NQO2: variants seen among roughly 807,000 people sequenced by gnomAD.
NQO2 encodes ribosyldihydronicotinamide dehydrogenase [quinone].
A neutral mutation model predicts 22.0 loss-of-function variants in NQO2; 18 were observed. That is an observed-to-expected ratio of 0.82 (90% CI 0.56 to 1.21). The LOEUF (loss-of-function observed/expected upper bound fraction) is 1.21. Among genes scored for constraint, NQO2 ranks in the 50% most tolerant of loss-of-function variants. The pLI is 0.00. For synonymous variants in NQO2, 106 were observed against 110.8 expected, an observed-to-expected ratio of 0.96 and a Z score of 0.28; for missense variants, 267 against 286.9, an observed-to-expected ratio of 0.93 and a Z score of 0.50.
chr6:3,007,328 T>C (rs769987632), intron 2 of NQO2, among the ~76,000 whole-genome samples: 4 of 152,204 alleles, frequency 2.6e-5, no homozygotes, highest in Non-Finnish European at 5.9e-5. Flanking sequence ...ACCATTGGTG[T>C]AGGTATTTCA....
intron 4 of NQO2, among the ~76,000 whole-genome samples, chr6:3,013,598 C>G (rs1018421933): frequency 8.5e-5 from 13 of 152,276 alleles, no homozygotes; most frequent in African/African-American, 3.1e-4. Flanking sequence ...GCTTCACCCC[C>G]AGCCCAGCCA....
intron 2 of NQO2, chr6:3,007,065 G>A (rs1189071469): frequency 2.3e-5 from 9 of 390,706 alleles, no homozygotes; most frequent in East Asian, 3.6e-5. Context: ...GTGTTAGAAC[G>A]CACAGGTTCA....
chr6:3,007,970 C>T (rs55767415), intron 2 of NQO2, among the ~76,000 whole-genome samples: 5,676 of 152,312 alleles, frequency 0.037, 120 homozygotes, highest in African/African-American at 0.055. Flanking sequence ...AACCTTCTTA[C>T]AGAGGATAAC....
At chr6:3,016,430 C>CAAAAAAAAAA (rs36118697) in intron 5 of NQO2, among the ~76,000 whole-genome samples, 4 of 85,702 alleles carry the variant, frequency 4.7e-5, no homozygotes, top group African/African-American at 1.9e-4. Flanking sequence ...GACTCTGTCT[C>CAAAAAAAAAA]AAAAAAAAAA....
chr6:3,011,362 G>A (rs933365998), intron 3 of NQO2, among the ~76,000 whole-genome samples: 43 of 152,184 alleles, frequency 2.8e-4, no homozygotes, highest in African/African-American at 8.7e-4. Flanking sequence ...TGAAGCAGAA[G>A]AAAAAATCAG....
intron 1 of NQO2, among the ~76,000 whole-genome samples, chr6:3,002,885 C>T (rs1756787059): frequency 6.6e-6 from 1 of 152,128 alleles, no homozygotes; most frequent in Non-Finnish European, 1.5e-5. Flanking sequence ...CCCTGAGTAG[C>T]TGGGATTACA....
intron 2 of NQO2, among the ~76,000 whole-genome samples, chr6:3,007,143 A>G (rs1756978703): frequency 6.6e-6 from 1 of 152,078 alleles, no homozygotes; most frequent in Non-Finnish European, 1.5e-5. Context: ...TCTGGGCCAG[A>G]TAATCCTATG....
At chr6:3,013,780 AGGGAATTGTT>A (rs1757228340) in intron 4 of NQO2, among the ~76,000 whole-genome samples, 1 of 152,142 alleles carries the variant, frequency 6.6e-6, no homozygotes, top group Admixed American at 6.5e-5. Context: ...ATGAGCTTTG[AGGGAATTGTT>A]GGGTGACAGA....
intron 5 of NQO2, among the ~76,000 whole-genome samples, chr6:3,016,536 T>C (rs1757334631): frequency 6.6e-6 from 1 of 151,948 alleles, no homozygotes; most frequent in African/African-American, 2.4e-5. Flanking sequence ...TCTTGGACCA[T>C]GAATGGTGCT....
intron 1 of NQO2, among the ~76,000 whole-genome samples, chr6:3,002,964 C>T (rs896643172): frequency 9.9e-5 from 15 of 152,136 alleles, no homozygotes; most frequent in Admixed American, 3.3e-4. Context: ...CTATGTTGCC[C>T]GGGCTGGTCT....
chr6:3,005,459 A>C (rs1027051125), intron 1 of NQO2, among the ~76,000 whole-genome samples: 2 of 152,028 alleles, frequency 1.3e-5, no homozygotes, highest in Non-Finnish European at 2.9e-5. Flanking sequence ...ATGGGATCTC[A>C]TTGTGGTTTT....
Position 3,016,866 on chromosome 6 carries a change from CT to C in NQO2, c.418-17del. 2 of 1,612,568 alleles carry C rather than the reference CT, an allele frequency of 1.2e-6. No homozygotes were observed. Among genetic ancestry groups the C allele is most frequent in the Non-Finnish European group, 1.7e-6 (2 of 1,179,776 alleles). On this transcript the variant is annotated splice_polypyrimidine_tract_variant and intron_variant, in intron 5 of 6. Transcript: ENST00000380455. ...TCTTCTGGAGTCCACACAAATGCAT[CT>C]GCTTTCTCCCTTGCAGGGTAAACTA...
At chr6:3,008,956 C>T (rs182919357) in intron 2 of NQO2, among the ~76,000 whole-genome samples, 11 of 151,330 alleles carry the variant, frequency 7.3e-5, no homozygotes, top group Admixed American at 3.3e-4. Context: ...CACAGGACCA[C>T]GGGACGGGGC....
chr6:3,001,692 G>T (rs1185547428), intron 1 of NQO2, among the ~76,000 whole-genome samples: 1 of 151,960 alleles, frequency 6.6e-6, no homozygotes, highest in African/African-American at 2.4e-5. Context: ...AAGAGGCACA[G>T]GAAAAAAAGT....
intron 1 of NQO2, chr6:3,004,510 T>G: frequency 1.0e-6 from 1 of 985,900 alleles, no homozygotes; most frequent in South Asian, 4.7e-5. Context: ...CTGGCCTGGG[T>G]GGAGCCCACT....
intron 1 of NQO2, chr6:3,004,688 T>C (rs1292790450): frequency 2.0e-6 from 2 of 980,602 alleles, no homozygotes; most frequent in Non-Finnish European, 2.4e-6. Context: ...TCTCTGTGCT[T>C]TTTGTTTTGC....
chr6:3,014,241 C>A (rs906981793), intron 4 of NQO2, among the ~76,000 whole-genome samples: 1 of 152,184 alleles, frequency 6.6e-6, no homozygotes, highest in African/African-American at 2.4e-5. Flanking sequence ...CCTCTGCACA[C>A]CCCTTCCCGA....
chr6:3,008,690 T>C (rs1182597613), intron 2 of NQO2, among the ~76,000 whole-genome samples: 1 of 152,188 alleles, frequency 6.6e-6, no homozygotes, highest in Non-Finnish European at 1.5e-5. Flanking sequence ...GTAGGTTCTT[T>C]TCTATATTTC....
chr6:3,018,659 G>C (rs1757423165), intron 6 of NQO2, among the ~76,000 whole-genome samples: 1 of 152,120 alleles, frequency 6.6e-6, no homozygotes, highest in Non-Finnish European at 1.5e-5. Context: ...GATTGAGTGT[G>C]ACATTTTTAG....
Sources: allele counts gnomAD v4.1 joint callset (sites outside exome capture counted in the v4.1 genomes callset), GRCh38; gene constraint gnomAD v4.1.1; transcripts MANE v1.5; gene names NCBI Gene and HGNC (gene_info 2026-07-23, HGNC 2026-07-21).